TRIM24: variants seen among roughly 807,000 people sequenced by gnomAD.
TRIM24 encodes the protein tripartite motif containing 24, also known as transcription intermediary factor 1-alpha.
In TRIM24, 29 loss-of-function variants were observed where a neutral mutation model predicts 123.9. The ratio of observed to expected loss-of-function variants is 0.23; its 90% CI spans 0.17 to 0.32. TRIM24 has a LOEUF of 0.32. TRIM24 is among the 10% of genes least tolerant of loss of function. The pLI, the probability that TRIM24 is intolerant of heterozygous loss-of-function variation, is 1.00. For synonymous variants in TRIM24, 456 were observed against 461.1 expected, an observed-to-expected ratio of 0.99 and a Z score of 0.14; for missense variants, 932 against 1,295.3, an observed-to-expected ratio of 0.72 and a Z score of 4.31.
rs545174364 is a variant in TRIM24, at chr7:138,517,440, A to G, written c.632-1749A>G. On this transcript the variant is annotated intron_variant, in intron 3 of 18. Transcript: ENST00000343526. ...GACTGGAGTGCAGTGGTGCGATCTC[A>G]GCTCACTGCAAGCGCCACCTCCTGG... Among the ~76,000 whole-genome samples the G allele has an allele frequency of 2.0e-5, 3 of 152,102 alleles. No individual in the cohort carries two copies. In the South Asian group the frequency reaches 6.2e-4, roughly 32 times the overall value.
chr7:138,485,352 C>CT (rs879583060), intron 1 of TRIM24, among the ~76,000 whole-genome samples: 69 of 144,596 alleles, frequency 4.8e-4, no homozygotes, highest in Middle Eastern at 3.6e-3. Flanking sequence ...CTGAGAAGAA[C>CT]TTTTTTTTTT....
At chr7:138,526,312 A>C (rs1465338624) in intron 5 of TRIM24, among the ~76,000 whole-genome samples, 1 of 152,222 alleles carries the variant, frequency 6.6e-6, no homozygotes, top group Non-Finnish European at 1.5e-5. Context: ...AGAGATTTTT[A>C]CACATAGTTT....
Position 138,570,846 on chromosome 7 carries a change from G to C in TRIM24, c.1721G>C (p.Gly574Ala). Reference protein sequence around the residue: ...QAIKQWQISSGQGTPSTTNST... With the variant: ...QAIKQWQISSAQGTPSTTNST... ...TTACTGTAGTGGCAGATCAGCAGTG[G>C]ACAGGGAACCCCATCAACTACCAAC... Residue 574 changes from glycine (G) to alanine (A), a missense_variant, in exon 11 of 19, where the codon GGA becomes GCA. Coordinates refer to ENST00000343526, the MANE Select transcript of TRIM24 (RefSeq NM_015905.3). The C allele has an allele frequency of 1.2e-6, 2 of 1,613,942 alleles. No individual in the cohort carries two copies. The highest frequency in any genetic ancestry group is 1.7e-6 in the Non-Finnish European group (2 of 1,179,942).
At chr7:138,527,432 G>A (rs1292684359) in intron 5 of TRIM24, among the ~76,000 whole-genome samples, 1 of 152,100 alleles carries the variant, frequency 6.6e-6, no homozygotes, top group African/African-American at 2.4e-5. Context: ...TAGAGTAACT[G>A]GTAGTCATTT....
chr7:138,574,378 A>C (rs937740082), intron 12 of TRIM24, among the ~76,000 whole-genome samples: 3 of 152,236 alleles, frequency 2.0e-5, no homozygotes, highest in Non-Finnish European at 4.4e-5. Context: ...TAAGTCACTC[A>C]ACAGTCACAT....
chr7:138,524,794 GC>G, intron 4 of TRIM24, among the ~76,000 whole-genome samples: 1 of 152,118 alleles, frequency 6.6e-6, no homozygotes, highest in Non-Finnish European at 1.5e-5. Context: ...CAAGAATTTT[GC>G]CCTTCTCTGT....
At chr7:138,548,657 C>T (rs904600697) in intron 7 of TRIM24, among the ~76,000 whole-genome samples, 9 of 152,112 alleles carry the variant, frequency 5.9e-5, no homozygotes, top group Non-Finnish European at 8.8e-5. Context: ...GAAAGCTTAC[C>T]GTAACTTTTT....
chr7:138,506,536 C>G (rs886376940), intron 2 of TRIM24, among the ~76,000 whole-genome samples: 1 of 152,080 alleles, frequency 6.6e-6, no homozygotes, highest in Non-Finnish European at 1.5e-5. Context: ...AAATAAATGT[C>G]AATCAGATGG....
At chr7:138,500,828 A>G (rs1202978685) in intron 1 of TRIM24, among the ~76,000 whole-genome samples, 4 of 152,174 alleles carry the variant, frequency 2.6e-5, no homozygotes, top group African/African-American at 9.7e-5. Flanking sequence ...CACCAAGAGA[A>G]TATGGTACAG....
intron 9 of TRIM24, 55 bp downstream of exon 9, chr7:138,555,021 T>C (rs756928321): frequency 5.0e-5 from 76 of 1,527,320 alleles, no homozygotes; most frequent in Non-Finnish European, 6.8e-5. Context: ...TAATTGTGTT[T>C]AGCAGCTCAA....
At chr7:138,485,947 C>G (rs1023181384) in intron 1 of TRIM24, among the ~76,000 whole-genome samples, 1 of 152,194 alleles carries the variant, frequency 6.6e-6, no homozygotes, top group South Asian at 2.1e-4. Flanking sequence ...CCAGTTTACA[C>G]TCCCACCAAC....
intron 1 of TRIM24, among the ~76,000 whole-genome samples, chr7:138,463,392 G>T (rs1444155973): frequency 6.6e-6 from 1 of 151,582 alleles, no homozygotes; most frequent in Non-Finnish European, 1.5e-5. Flanking sequence ...GCCACACCTG[G>T]CTAATTTGTG....
At chr7:138,536,762 G>T (rs537836630) in intron 6 of TRIM24, among the ~76,000 whole-genome samples, 1 of 152,350 alleles carries the variant, frequency 6.6e-6, no homozygotes, top group East Asian at 1.9e-4. Context: ...GGACATTTAA[G>T]TCTGCAGAGG....
chr7:138,503,091 C>G (rs1796076530), intron 1 of TRIM24, among the ~76,000 whole-genome samples: 1 of 151,944 alleles, frequency 6.6e-6, no homozygotes, highest in African/African-American at 2.4e-5. Flanking sequence ...AAAAGTTCAT[C>G]CCTTTTCCCA....
chr7:138,578,426 A>T (rs1343454204), intron 14 of TRIM24, among the ~76,000 whole-genome samples: 1 of 152,202 alleles, frequency 6.6e-6, no homozygotes, highest in Non-Finnish European at 1.5e-5. Context: ...ATCAGTTAGA[A>T]TAGATACTGG....
rs1001522778 is a variant in TRIM24 at position 138,586,360 on chromosome 7, A to G, written c.*1409A>G. 6.5e-6 allele frequency: 1 copy of G among 153,698 alleles called. No homozygotes were observed. The highest frequency in any genetic ancestry group is 1.9e-4 in the East Asian group (1 of 5,256). The allele number at this position is 153,698 out of a possible 1,614,324, so 9.5% of individuals were successfully genotyped here. ...TTGAAAGAAGGCTATTATTTGCATT[A>G]TATCACCTGCCATAAATTTAACATA... On this transcript the variant is annotated 3_prime_UTR_variant, in exon 19 of 19. Coordinates refer to ENST00000343526, the MANE Select transcript of TRIM24 (RefSeq NM_015905.3).
chr7:138,520,101 GC>G (rs563170965), intron 4 of TRIM24, among the ~76,000 whole-genome samples: 42 of 152,298 alleles, frequency 2.8e-4, no homozygotes, highest in Non-Finnish European at 4.4e-4. Flanking sequence ...TGGAGTTGGG[GC>G]TAAGAATGGT....
chr7:138,585,333 AT>A lies in TRIM24; in HGVS notation c.*383del. ...AACTCTTTAAGTTGAAAAGTAAAAAATATATGTGGTTTGGATGTGTGCTTTA... is the reference window on the plus strand; with the variant it reads ...AACTCTTTAAGTTGAAAAGTAAAAAAATATGTGGTTTGGATGTGTGCTTTA... On this transcript the variant is annotated 3_prime_UTR_variant, in exon 19 of 19. Coordinates refer to ENST00000343526, the MANE Select transcript of TRIM24 (RefSeq NM_015905.3). The A allele has an allele frequency of 4.2e-6, 1 of 239,464 alleles. No individual in the cohort carries two copies. The highest frequency in any genetic ancestry group is 1.2e-4 in the South Asian group (1 of 8,020). The allele number at this position is 239,464 out of a possible 1,614,324, so 14.8% of individuals were successfully genotyped here. A position where few individuals can be genotyped will look rare whatever the true frequency, so the allele number is the denominator to read the frequency against.
intron 1 of TRIM24, among the ~76,000 whole-genome samples, chr7:138,481,621 A>AGTGT (rs1293691710): frequency 3.3e-5 from 5 of 151,908 alleles, no homozygotes; most frequent in Non-Finnish European, 5.9e-5. Flanking sequence ...TGGGCAACAT[A>AGTGT]GGGAGACCTT....
Sources: allele counts gnomAD v4.1 joint callset (sites outside exome capture counted in the v4.1 genomes callset), GRCh38; gene constraint gnomAD v4.1.1; transcripts MANE v1.5; gene names NCBI Gene and HGNC (gene_info 2026-07-23, HGNC 2026-07-21).